TTC28: variants seen among roughly 807,000 people sequenced by gnomAD.
TTC28 encodes tetratricopeptide repeat domain 28.
A neutral mutation model predicts 198.0 loss-of-function variants in TTC28; 61 were observed. The ratio of observed to expected loss-of-function variants is 0.31; its 90% CI spans 0.25 to 0.38. The LOEUF is 0.38. Ranked by LOEUF, TTC28 falls within the 10% of genes least tolerant of loss-of-function variation. The probability of loss-of-function intolerance (pLI) is 1.00; values close to 1 mark genes in which losing one functional copy is unlikely to be tolerated. For missense variants in TTC28, 2,678 were observed against 3,164.0 expected, an observed-to-expected ratio of 0.85 and a Z score of 3.69; for synonymous variants, 1,171 against 1,297.8, an observed-to-expected ratio of 0.90 and a Z score of 2.10.
chr22:28,563,773 T>G (rs935936452), intron 2 of TTC28, among the ~76,000 whole-genome samples: 1 of 152,126 alleles, frequency 6.6e-6, no homozygotes, highest in Non-Finnish European at 1.5e-5. Flanking sequence ...AATTACTATA[T>G]AAGTCAGCAA....
intron 21 of TTC28, among the ~76,000 whole-genome samples, chr22:27,987,309 T>C (rs557736369): frequency 1.1e-4 from 17 of 152,296 alleles, no homozygotes; most frequent in African/African-American, 3.9e-4. Flanking sequence ...TTTCCTTCTG[T>C]ACTATTCTTG....
intron 2 of TTC28, among the ~76,000 whole-genome samples, chr22:28,588,473 C>T (rs1023511465): frequency 2.6e-5 from 4 of 152,112 alleles, no homozygotes; most frequent in Non-Finnish European, 5.9e-5. Context: ...ATCAACTATC[C>T]TCAAATTTAA....
chr22:28,307,900 T>A lies in TTC28; in HGVS notation c.382-1257A>T, dbSNP rs545855399. On this transcript the variant is annotated intron_variant, in intron 2 of 22. Coordinates refer to ENST00000397906, the MANE Select transcript of TTC28 (RefSeq NM_001145418.2). ...ACCACTCAATAAAAAATATATAATT[T>A]AAAAATTTTATATTACAAATGCATA... Among the ~76,000 whole-genome samples the A allele has an allele frequency of 4.6e-5, 7 of 152,220 alleles. No homozygotes were observed. In the South Asian group the frequency reaches 6.2e-4, roughly 14 times the overall value.
chr22:28,467,567 A>G (rs2146292031), intron 2 of TTC28, among the ~76,000 whole-genome samples: 1 of 152,346 alleles, frequency 6.6e-6, no homozygotes, highest in East Asian at 1.9e-4. Context: ...CTAACAATAT[A>G]TTGTTAAATA....
intron 5 of TTC28, among the ~76,000 whole-genome samples, chr22:28,288,565 T>C (rs1021732566): frequency 6.6e-6 from 1 of 151,976 alleles, no homozygotes; most frequent in African/African-American, 2.4e-5. Context: ...CCCAGCACTT[T>C]GAGAGACTGA....
At chr22:28,018,279 A>ATG (rs1222506396) in intron 13 of TTC28, among the ~76,000 whole-genome samples, 1 of 65,478 alleles carries the variant, frequency 1.5e-5, no homozygotes, top group African/African-American at 6.6e-5. Context: ...GTGTGTGTGT[A>ATG]TGTGTGTGCG....
chr22:28,106,621 C>T (rs1419913014), intron 7 of TTC28, among the ~76,000 whole-genome samples: 7 of 152,124 alleles, frequency 4.6e-5, no homozygotes, highest in Admixed American at 4.6e-4. Flanking sequence ...TTCTGAGGAG[C>T]AACACAATGG....
intron 10 of TTC28, 40 bp downstream of exon 10, chr22:28,098,874 TA>T: frequency 6.5e-7 from 1 of 1,548,096 alleles, no homozygotes; most frequent in South Asian, 1.2e-5. Context: ...CCGTGCGCAC[TA>T]GTGCACACGT....
intron 6 of TTC28, among the ~76,000 whole-genome samples, chr22:28,137,195 A>T (rs957423200): frequency 2.0e-5 from 3 of 152,120 alleles, no homozygotes; most frequent in Non-Finnish European, 2.9e-5. Flanking sequence ...CCCTGATGTG[A>T]GAACTCTCAG....
chr22:28,019,669 CCA>C (rs2146598425), intron 13 of TTC28, among the ~76,000 whole-genome samples: 1 of 152,346 alleles, frequency 6.6e-6, no homozygotes, highest in East Asian at 1.9e-4. Flanking sequence ...AGAAGAACGG[CCA>C]CAGAGGGCCG....
At chr22:28,536,219 A>T (rs866306721) in intron 2 of TTC28, among the ~76,000 whole-genome samples, 1 of 144,122 alleles carries the variant, frequency 6.9e-6, no homozygotes, top group African/African-American at 2.6e-5. Context: ...AAAAAAAAAA[A>T]ACATAAAAAT....
In TTC28 at chr22:28,163,277, T is replaced by A; in HGVS notation, c.1256A>T (p.Tyr419Phe). Residue 419 changes from tyrosine to phenylalanine, a missense_variant, in exon 6 of 23, where the codon TAT becomes TTT. By Grantham distance (22) the Tyr-to-Phe change is conservative. This residue lies in a region of TTC28 where 775 missense variants were observed against 845.9 expected (regional missense o/e 0.92). Transcript: ENST00000397906. Reference protein sequence around the residue: ...NFDKAMSYHNYVLELAQELME... With the variant: ...NFDKAMSYHNFVLELAQELME... Reference sequence around the variant, plus strand: ...CAACTCCTGTGCCAGCTCCAGGACATAGTTATGGTAAGACATGGCCTTGTC... The same window carrying A: ...CAACTCCTGTGCCAGCTCCAGGACAAAGTTATGGTAAGACATGGCCTTGTC... 1 of 1,551,876 alleles carries A rather than the reference T, an allele frequency of 6.4e-7. No homozygotes were observed. Among genetic ancestry groups the A allele is most frequent in the Non-Finnish European group, 8.7e-7 (1 of 1,147,020 alleles).
intron 2 of TTC28, among the ~76,000 whole-genome samples, chr22:28,424,145 A>G (rs1180048720): frequency 1.3e-5 from 2 of 152,216 alleles, no homozygotes; most frequent in Admixed American, 1.3e-4. Flanking sequence ...AATTGTATAT[A>G]TTTAGGGTAT....
intron 5 of TTC28, among the ~76,000 whole-genome samples, chr22:28,217,295 C>T (rs867382561): frequency 6.6e-6 from 1 of 152,042 alleles, no homozygotes; most frequent in African/African-American, 2.4e-5. Context: ...AAACTGAGTG[C>T]CAGAAACATC....
chr22:28,515,706 T>G (rs546805678), intron 2 of TTC28, among the ~76,000 whole-genome samples: 5 of 152,300 alleles, frequency 3.3e-5, no homozygotes, highest in Admixed American at 1.3e-4. Flanking sequence ...ACATGGCATA[T>G]GCAGTGGGGT....
At chr22:28,477,382 G>A (rs2048181356) in intron 2 of TTC28, among the ~76,000 whole-genome samples, 1 of 152,080 alleles carries the variant, frequency 6.6e-6, no homozygotes, top group African/African-American at 2.4e-5. Context: ...ATAAGACATT[G>A]AATGAATTAG....
Position 28,319,992 on chromosome 22 carries a change from GT to G in TTC28, c.382-13350del, listed in dbSNP as rs1340141138. ...CATTACGGTAGGCAAGATGCCACGT[GT>G]TTTTTTCAACAGTTGGTGAGAATTT... On this transcript the variant is annotated intron_variant, in intron 2 of 22. Coordinates refer to ENST00000397906, the MANE Select transcript of TTC28 (RefSeq NM_001145418.2). Among the ~76,000 whole-genome samples the G allele has an allele frequency of 3.3e-5, 5 of 152,158 alleles. No homozygotes were observed. In the South Asian group the frequency reaches 6.2e-4, roughly 19 times the overall value.
chr22:28,409,372 A>T (rs1317601070), intron 2 of TTC28, among the ~76,000 whole-genome samples: 1 of 152,148 alleles, frequency 6.6e-6, no homozygotes, highest in African/African-American at 2.4e-5. Context: ...TATGTCTATT[A>T]ACAGAAAATC....
intron 2 of TTC28, among the ~76,000 whole-genome samples, chr22:28,517,261 T>TG (rs1344950808): frequency 6.6e-6 from 1 of 152,186 alleles, no homozygotes; most frequent in African/African-American, 2.4e-5. Flanking sequence ...GCTTCATCCA[T>TG]GTCCCTGCAA....
Sources: allele counts gnomAD v4.1 joint callset (sites outside exome capture counted in the v4.1 genomes callset), GRCh38; gene constraint gnomAD v4.1.1; regional missense constraint gnomAD v4.1.1; transcripts MANE v1.5; gene names NCBI Gene and HGNC (gene_info 2026-07-23, HGNC 2026-07-21).